IQGAP2: variants seen among roughly 807,000 people sequenced by gnomAD.
IQGAP2 encodes ras GTPase-activating-like protein IQGAP2.
IQGAP2 carries 173 observed loss-of-function variants against 201.3 expected under a neutral mutation model. The observed-to-expected ratio is 0.86, with a 90% CI of 0.76 to 0.98. The LOEUF (loss-of-function observed/expected upper bound fraction) is 0.98. Ranked by LOEUF, IQGAP2 falls within the 50% of genes least tolerant of loss-of-function variation. The pLI, the probability that IQGAP2 is intolerant of heterozygous loss-of-function variation, is 0.00. For missense variants in IQGAP2, 1,687 were observed against 1,864.8 expected, an observed-to-expected ratio of 0.90 and a Z score of 1.76; for synonymous variants, 675 against 673.9, an observed-to-expected ratio of 1.00 and a Z score of -0.03.
At chr5:76,641,556 A>G (rs1751584867) in intron 17 of IQGAP2, among the ~76,000 whole-genome samples, 1 of 152,186 alleles carries the variant, frequency 6.6e-6, no homozygotes, top group Non-Finnish European at 1.5e-5. Context: ...ACCTTCTGTA[A>G]TCTGTCACTC....
chr5:76,547,280 A>C lies in IQGAP2; in HGVS notation c.147-15116A>C, dbSNP rs192109009. ...GGGAGGAAGAGAAGGAAGGAAATTC[A>C]TACTGGATACAGCTTTTGCCAGTTT... On this transcript the variant is annotated intron_variant, in intron 2 of 35. Coordinates refer to ENST00000274364, the MANE Select transcript of IQGAP2 (RefSeq NM_006633.5). 198 of 170,750 alleles carry C rather than the reference A, an allele frequency of 1.2e-3. 1 individual carries two copies. Among genetic ancestry groups the C allele is most frequent in the African/African-American group, 3.6e-3 (149 of 41,896 alleles). 10.6% of individuals were successfully genotyped at this position (170,750 alleles called of 1,614,324 possible). A position where few individuals can be genotyped will look rare whatever the true frequency, so the allele number is the denominator to read the frequency against.
intron 1 of IQGAP2, among the ~76,000 whole-genome samples, chr5:76,423,259 G>C (rs901241720): frequency 2.0e-5 from 3 of 152,184 alleles, no homozygotes; most frequent in Non-Finnish European, 4.4e-5. Flanking sequence ...CATTGCCAGG[G>C]AAGAAGCTGT....
At chr5:76,429,102 A>C (rs2150088878) in intron 1 of IQGAP2, among the ~76,000 whole-genome samples, 1 of 151,370 alleles carries the variant, frequency 6.6e-6, no homozygotes, top group Admixed American at 6.6e-5. Flanking sequence ...TTCTAGAAGT[A>C]CATTGCTTTC....
chr5:76,414,263 A>C (rs1404538910), intron 1 of IQGAP2, among the ~76,000 whole-genome samples: 3 of 152,130 alleles, frequency 2.0e-5, no homozygotes, highest in Admixed American at 6.6e-5. Flanking sequence ...CAGGCTTCTC[A>C]GGGTGGGATG....
chr5:76,679,768 C>G (rs1745123695), intron 28 of IQGAP2, among the ~76,000 whole-genome samples: 1 of 152,082 alleles, frequency 6.6e-6, no homozygotes, highest in Non-Finnish European at 1.5e-5. Context: ...CAGATTTTGC[C>G]CGGTCTTTGT....
chr5:76,616,204 A>G (rs1748949366), intron 13 of IQGAP2: 1 of 152,282 alleles, frequency 6.6e-6, no homozygotes, highest in Admixed American at 6.5e-5. Context: ...AAGTACAGAT[A>G]AGAAAAGTGA....
In IQGAP2 at chr5:76,461,492, T is replaced by C. The variant is rs952353255; in HGVS notation, c.47-78T>C. The C allele has an allele frequency of 1.1e-5, 10 of 951,398 alleles. No individual in the cohort carries two copies. In the African/African-American group the frequency reaches 1.3e-4, roughly 12 times the overall value. 58.9% of individuals were successfully genotyped at this position (951,398 alleles called of 1,614,324 possible). A position where few individuals can be genotyped will look rare whatever the true frequency, so the allele number is the denominator to read the frequency against. ...ATGTTAAATGTTCAGCTGCATATGA[T>C]TTTTTTCTGATTGATTGTCTCAGGT... On this transcript the variant is annotated intron_variant, in intron 1 of 35. Transcript: ENST00000274364.
intron 1 of IQGAP2, among the ~76,000 whole-genome samples, chr5:76,418,924 G>A (rs532375318): frequency 5.9e-5 from 9 of 152,076 alleles, no homozygotes; most frequent in South Asian, 2.1e-4. Context: ...TTGATTACAC[G>A]TCCTTGACTA....
intron 1 of IQGAP2, among the ~76,000 whole-genome samples, chr5:76,428,769 T>G (rs1304674244): frequency 6.9e-6 from 1 of 144,318 alleles, no homozygotes; most frequent in Non-Finnish European, 1.5e-5. Context: ...GTCTTTCCAT[T>G]GCTTACTAAA....
chr5:76,633,399 C>G (rs1750863005), intron 15 of IQGAP2, among the ~76,000 whole-genome samples: 1 of 152,104 alleles, frequency 6.6e-6, no homozygotes, highest in South Asian at 2.1e-4. Context: ...TTGTAGTTTT[C>G]TGCATATAAG....
chr5:76,613,610 A>G (rs879197306), intron 13 of IQGAP2, among the ~76,000 whole-genome samples: 4 of 152,160 alleles, frequency 2.6e-5, no homozygotes, highest in African/African-American at 9.7e-5. Flanking sequence ...CCTGGCACCA[A>G]AAAAAGGGCT....
At chr5:76,655,415 C>G (rs770395300) in intron 20 of IQGAP2, among the ~76,000 whole-genome samples, 120 of 152,082 alleles carry the variant, frequency 7.9e-4, no homozygotes, top group Non-Finnish European at 7.6e-4. Flanking sequence ...CCTACAATTT[C>G]ATTTTGAACT....
rs774050203 is a variant in IQGAP2 at position 76,683,103 on chromosome 5, T to C, written c.3661-12T>C. 1 of 1,561,284 alleles carries C rather than the reference T, an allele frequency of 6.4e-7. No homozygotes were observed. The highest frequency in any genetic ancestry group is 2.3e-5 in the East Asian group (1 of 44,246). ...CTTTTTTCTTTGTGTGTGTGTTGCT[T>C]TCTACATAAAGCTCCTGTTGGAACA... On this transcript the variant is annotated splice_polypyrimidine_tract_variant and intron_variant, in intron 28 of 35. Coordinates refer to ENST00000274364, the MANE Select transcript of IQGAP2 (RefSeq NM_006633.5).
intron 26 of IQGAP2, 61 bp from the exon 27 acceptor site, chr5:76,674,416 A>G: frequency 3.0e-6 from 3 of 990,268 alleles, no homozygotes; most frequent in Non-Finnish European, 4.6e-6. Flanking sequence ...AAAAAAAAAG[A>G]AAACTAAAAC....
At chr5:76,553,739 C>T (rs1454087435) in intron 2 of IQGAP2, among the ~76,000 whole-genome samples, 3 of 152,168 alleles carry the variant, frequency 2.0e-5, no homozygotes, top group African/African-American at 7.2e-5. Context: ...TCTCTAGCAA[C>T]CCATAAGATG....
intron 11 of IQGAP2, 66 bp downstream of exon 11, chr5:76,601,038 G>C: frequency 6.6e-7 from 1 of 1,511,662 alleles, no homozygotes. Context: ...TTAAAAGTGA[G>C]GAATTTGCCT....
intron 5 of IQGAP2, among the ~76,000 whole-genome samples, chr5:76,584,620 G>T (rs1433009988): frequency 6.6e-6 from 1 of 151,982 alleles, no homozygotes; most frequent in Non-Finnish European, 1.5e-5. Context: ...CTGATAGCGG[G>T]ATAGCATGCC....
chr5:76,665,962 T>A (rs1456299936), intron 22 of IQGAP2, among the ~76,000 whole-genome samples: 1 of 152,254 alleles, frequency 6.6e-6, no homozygotes, highest in Non-Finnish European at 1.5e-5. Flanking sequence ...AAGAGTCAGA[T>A]GTCTCTCAGA....
At chr5:76,651,907 A>C in intron 17 of IQGAP2, among the ~76,000 whole-genome samples, 1 of 152,178 alleles carries the variant, frequency 6.6e-6, no homozygotes, top group East Asian at 1.9e-4. Flanking sequence ...AAAAAGAATG[A>C]GGTAAATATA....
Sources: gnomAD v4.1 joint callset for allele counts (sites outside exome capture counted in the v4.1 genomes callset) on GRCh38, gnomAD v4.1.1 for gene constraint, MANE v1.5 for transcripts, NCBI Gene and HGNC (gene_info 2026-07-23, HGNC 2026-07-21) for gene names.